Variants in LRFN5 observed in about 807,000 individuals in gnomAD.
LRFN5 encodes leucine rich repeat and fibronectin type III domain containing 5.
Under a neutral mutation model 45.6 loss-of-function variants are expected in LRFN5, and 24 were observed. The observed-to-expected ratio is 0.53, with a 90% CI of 0.38 to 0.74. The LOEUF (loss-of-function observed/expected upper bound fraction) is 0.74, where lower values mean the gene tolerates loss of function less well. LRFN5 is among the 30% of genes least tolerant of loss of function. LRFN5 has a pLI of 0.00. For missense variants in LRFN5, 776 were observed against 861.5 expected (o/e 0.90, Z 1.24); for synonymous variants, 340 against 313.8 (o/e 1.08, Z -0.88).
At chr14:41,762,225 A>G (rs1885703345) in intron 1 of LRFN5, among the ~76,000 whole-genome samples, 1 of 151,796 alleles carries the variant, frequency 6.6e-6, no homozygotes, top group Admixed American at 6.6e-5. Context: ...TGTTAACAAG[A>G]TATTACAAAT....
At position 41,898,147 on chromosome 14, in the gene LRFN5, C is replaced by G. The variant is rs141227754; in HGVS notation, c.2099-770C>G. 6.0e-3 allele frequency among the ~76,000 whole-genome samples: 910 copies of G among 152,124 alleles called. 4 individuals carry two copies. The highest frequency in any genetic ancestry group is 0.031 in the Middle Eastern group (9 of 294). ...TTTGTAAAAAACAATTTGTCTCAAT[C>G]TCGTGACACTCACCTGTGAATCCTA... On this transcript the variant is annotated intron_variant, in intron 4 of 5. Coordinates refer to ENST00000298119, the MANE Select transcript of LRFN5 (RefSeq NM_152447.5).
Position 41,844,164 on chromosome 14 carries a change from G to T in LRFN5, c.-20-42442G>T, listed in dbSNP as rs548369454. 5.3e-5 allele frequency among the ~76,000 whole-genome samples: 8 copies of T among 152,324 alleles called. No individual in the cohort carries two copies. In the East Asian group the frequency reaches 1.5e-3, roughly 29 times the overall value. ...TTAAAAATGTAAAATTCGGCCGGGT[G>T]CAGTGGCTCACGCCTGTAATCCTAA... On this transcript the variant is annotated intron_variant, in intron 2 of 5. Transcript: ENST00000298119.
intron 1 of LRFN5, among the ~76,000 whole-genome samples, chr14:41,739,497 GA>G (rs139263155): frequency 0.13 from 19,790 of 149,406 alleles, 1,539 homozygotes; most frequent in Non-Finnish European, 0.18. Flanking sequence ...TAAATTAAAA[GA>G]AAAAAAAATC....
intron 1 of LRFN5, among the ~76,000 whole-genome samples, chr14:41,653,666 A>G (rs1880236905): frequency 6.6e-6 from 1 of 152,106 alleles, no homozygotes; most frequent in Admixed American, 6.6e-5. Flanking sequence ...TTGAGGCAGG[A>G]GAGTAACTGG....
At chr14:41,760,363 C>T (rs1322094911) in intron 1 of LRFN5, among the ~76,000 whole-genome samples, 1 of 152,120 alleles carries the variant, frequency 6.6e-6, no homozygotes, top group Non-Finnish European at 1.5e-5. Flanking sequence ...GCTGTGATTA[C>T]AGGCATGTGT....
rs1303462774 is a variant in LRFN5 at position 41,609,862 on chromosome 14, A to AT, written c.-197+1304dup. Among the ~76,000 whole-genome samples the AT allele has an allele frequency of 4.6e-5, 7 of 152,028 alleles. 1 individual carries two copies. Among genetic ancestry groups the AT allele is most frequent in the South Asian group, 2.1e-4 (1 of 4,816 alleles). On this transcript the variant is annotated intron_variant, in intron 1 of 5. Coordinates refer to ENST00000298119, the MANE Select transcript of LRFN5 (RefSeq NM_152447.5). ...TTAGGAAGTGTAGGGGCGCTGCCTG[A>AT]TTTTCCCCCACTCGCTGCATTTCTA...
intron 1 of LRFN5, among the ~76,000 whole-genome samples, chr14:41,726,221 C>G (rs1015206515): frequency 6.6e-6 from 1 of 152,086 alleles, no homozygotes; most frequent in Non-Finnish European, 1.5e-5. Context: ...ATTATCTACG[C>G]TCTAATTTTG....
chr14:41,846,214 GACACACAC>G (rs61090774), intron 2 of LRFN5, among the ~76,000 whole-genome samples: 2 of 150,382 alleles, frequency 1.3e-5, no homozygotes, highest in African/African-American at 4.9e-5. Flanking sequence ...TGTTTACACA[GACACACAC>G]ACACACACAC....
intron 1 of LRFN5, among the ~76,000 whole-genome samples, chr14:41,726,834 A>C (rs563688037): frequency 9.8e-5 from 15 of 152,318 alleles, no homozygotes; most frequent in African/African-American, 3.6e-4. Flanking sequence ...AAAAACACTA[A>C]ATCAACATAA....
chr14:41,609,811 C>CG (rs1269995473), intron 1 of LRFN5, among the ~76,000 whole-genome samples: 7 of 152,062 alleles, frequency 4.6e-5, no homozygotes, highest in Admixed American at 4.6e-4. Flanking sequence ...TGCTGGGGGG[C>CG]GGGGGGTTCT....
chr14:41,670,274 T>G (rs1359405518), intron 1 of LRFN5, among the ~76,000 whole-genome samples: 5 of 56,642 alleles, frequency 8.8e-5, no homozygotes, highest in Non-Finnish European at 1.2e-4. Context: ...TATATATATA[T>G]ATATATATAT....
intron 1 of LRFN5, among the ~76,000 whole-genome samples, chr14:41,672,743 T>C (rs1032592182): frequency 1.3e-5 from 2 of 152,168 alleles, no homozygotes; most frequent in South Asian, 2.1e-4. Flanking sequence ...TGGATGGGTT[T>C]CAAGAGGCAC....
intron 1 of LRFN5, among the ~76,000 whole-genome samples, chr14:41,660,304 G>A (rs983641336): frequency 2.0e-5 from 3 of 152,072 alleles, no homozygotes; most frequent in African/African-American, 7.2e-5. Context: ...GGGATTACAG[G>A]TGTGAGCCAC....
intron 2 of LRFN5, among the ~76,000 whole-genome samples, chr14:41,849,970 C>T (rs1056916332): frequency 6.6e-6 from 1 of 151,622 alleles, no homozygotes; most frequent in African/African-American, 2.4e-5. Context: ...ACATCTCTAC[C>T]ACTGCCCCAA....
intron 5 of LRFN5, among the ~76,000 whole-genome samples, chr14:41,900,624 C>T (rs1566514379): frequency 6.6e-6 from 1 of 152,218 alleles, no homozygotes; most frequent in Middle Eastern, 3.4e-3. Context: ...AATCCAAAGA[C>T]AAATAATAGT....
chr14:41,780,898 T>G (rs1886457911), intron 2 of LRFN5, among the ~76,000 whole-genome samples: 1 of 152,140 alleles, frequency 6.6e-6, no homozygotes, highest in Non-Finnish European at 1.5e-5. Flanking sequence ...ATTATTTACT[T>G]TTAAGTAACA....
chr14:41,704,831 A>T (rs1210323759), intron 1 of LRFN5, among the ~76,000 whole-genome samples: 1 of 152,140 alleles, frequency 6.6e-6, no homozygotes, highest in African/African-American at 2.4e-5. Flanking sequence ...AATAAAGAAG[A>T]AACCTATTAT....
intron 1 of LRFN5, among the ~76,000 whole-genome samples, chr14:41,637,302 A>G (rs1423527218): frequency 6.6e-6 from 1 of 152,146 alleles, no homozygotes; most frequent in Non-Finnish European, 1.5e-5. Flanking sequence ...CAGTCAGCCA[A>G]TTACATGGTT....
intron 3 of LRFN5, among the ~76,000 whole-genome samples, chr14:41,890,185 T>A (rs994264646): frequency 5.3e-5 from 8 of 152,102 alleles, no homozygotes; most frequent in Admixed American, 2.0e-4. Context: ...TTAGGTGATA[T>A]TAGATTTAGG....
Sources: gnomAD v4.1 joint callset for allele counts (sites outside exome capture counted in the v4.1 genomes callset) on GRCh38, gnomAD v4.1.1 for gene constraint, MANE v1.5 for transcripts, NCBI Gene and HGNC (gene_info 2026-07-23, HGNC 2026-07-21) for gene names.